The following NKAIN2 variants were observed in gnomAD, a reference collection of about 807,000 sequenced individuals.
The protein encoded by NKAIN2 is sodium/potassium-transporting ATPase subunit beta-1-interacting protein 2.
A neutral mutation model predicts 32.6 loss-of-function variants in NKAIN2; 14 were observed. The ratio of observed to expected loss-of-function variants is 0.43; its 90% CI spans 0.28 to 0.67. The LOEUF (loss-of-function observed/expected upper bound fraction) is 0.67. NKAIN2 is among the 30% of genes least tolerant of loss of function. The pLI is 0.17. For missense variants in NKAIN2, 198 were observed against 258.3 expected, an observed-to-expected ratio of 0.77 and a Z score of 1.60; for synonymous variants, 80 against 87.2, an observed-to-expected ratio of 0.92 and a Z score of 0.46.
At chr6:123,976,348 C>CATATATATATATATATGTTCCCATAT (rs1778602338) in intron 1 of NKAIN2, among the ~76,000 whole-genome samples, 1 of 13,734 alleles carries the variant, frequency 7.3e-5, no homozygotes, top group Admixed American at 8.9e-4. Context: ...TATATGTTCC[C>CATATATATATATATATGTTCCCATAT]ATATATATAT....
chr6:124,563,253 C>T (rs1042357967), intron 3 of NKAIN2, among the ~76,000 whole-genome samples: 4 of 152,102 alleles, frequency 2.6e-5, no homozygotes, highest in Middle Eastern at 3.2e-3. Context: ...GACTTCTGAA[C>T]TCAACTCTGT....
intron 1 of NKAIN2, among the ~76,000 whole-genome samples, chr6:124,100,610 T>C (rs547053613): frequency 3.1e-4 from 47 of 152,340 alleles, no homozygotes; most frequent in African/African-American, 8.4e-4. Context: ...AGAGGTTTTC[T>C]ATCATACATT....
chr6:124,347,426 G>A (rs1017842946), intron 2 of NKAIN2, among the ~76,000 whole-genome samples: 2 of 152,156 alleles, frequency 1.3e-5, no homozygotes, highest in African/African-American at 4.8e-5. Flanking sequence ...ATCCTGCAGA[G>A]TGTTTTCCAA....
At chr6:124,008,440 T>C (rs1226208209) in intron 1 of NKAIN2, among the ~76,000 whole-genome samples, 1 of 152,054 alleles carries the variant, frequency 6.6e-6, no homozygotes, top group African/African-American at 2.4e-5. Context: ...GTTCCATAAG[T>C]ATGTGCAAGT....
intron 2 of NKAIN2, among the ~76,000 whole-genome samples, chr6:124,335,378 A>T (rs914276431): frequency 3.3e-5 from 5 of 152,316 alleles, no homozygotes; most frequent in Admixed American, 3.3e-4. Flanking sequence ...AACCAAACAC[A>T]ATGAACAGAT....
intron 4 of NKAIN2, among the ~76,000 whole-genome samples, chr6:124,710,431 G>T (rs1422940364): frequency 6.6e-6 from 1 of 150,560 alleles, no homozygotes; most frequent in Non-Finnish European, 1.5e-5. Flanking sequence ...ACAGTGGGGT[G>T]TTAAAGTCTC....
chr6:124,216,468 A>G (rs959032366), intron 1 of NKAIN2, among the ~76,000 whole-genome samples: 2 of 152,218 alleles, frequency 1.3e-5, no homozygotes, highest in Non-Finnish European at 2.9e-5. Context: ...CTCAACACGC[A>G]TATGCCCAAC....
chr6:124,297,424 T>C (rs970457388), intron 2 of NKAIN2, among the ~76,000 whole-genome samples: 5 of 152,162 alleles, frequency 3.3e-5, no homozygotes, highest in African/African-American at 1.2e-4. Flanking sequence ...AAGATCTTTA[T>C]GTTCATCATC....
At chr6:124,097,146 A>C (rs1472476195) in intron 1 of NKAIN2, among the ~76,000 whole-genome samples, 1 of 152,110 alleles carries the variant, frequency 6.6e-6, no homozygotes, top group Non-Finnish European at 1.5e-5. Context: ...TTGGTGGCTC[A>C]CACCTGTAAT....
intron 3 of NKAIN2, among the ~76,000 whole-genome samples, chr6:124,433,300 G>A (rs1227921666): frequency 6.6e-6 from 1 of 152,154 alleles, no homozygotes; most frequent in Non-Finnish European, 1.5e-5. Flanking sequence ...CTAGAGAAAA[G>A]AAAGCTAATG....
intron 3 of NKAIN2, among the ~76,000 whole-genome samples, chr6:124,478,140 G>T (rs988023931): frequency 2.6e-5 from 4 of 152,068 alleles, no homozygotes; most frequent in African/African-American, 9.7e-5. Context: ...CTTCAAGAAT[G>T]CATGAAGAAC....
rs937892314 is a variant in NKAIN2, at chr6:124,724,932, C to G, written c.475-66407C>G. 5.3e-5 allele frequency among the ~76,000 whole-genome samples: 8 copies of G among 152,248 alleles called. No individual in the cohort carries two copies. The East Asian group carries it at 1.2e-3, about 22-fold the overall frequency. On this transcript the variant is annotated intron_variant, in intron 4 of 6. Coordinates refer to ENST00000368417, the MANE Select transcript of NKAIN2 (RefSeq NM_001040214.3). ...TCTTCTAGTTCCAAGTTGAGTTGAT[C>G]CCTTTTAATCACTATTTTATCCTCT...
At chr6:124,182,109 TCTTACTTG>T (rs1337207990) in intron 1 of NKAIN2, among the ~76,000 whole-genome samples, 1 of 152,172 alleles carries the variant, frequency 6.6e-6, no homozygotes, top group Non-Finnish European at 1.5e-5. Context: ...CAAAGGCATG[TCTTACTTG>T]GCAGCAGGCA....
intron 1 of NKAIN2, among the ~76,000 whole-genome samples, chr6:124,028,925 GTATA>G (rs201017247): frequency 2.5e-5 from 2 of 81,394 alleles, no homozygotes; most frequent in Admixed American, 1.1e-4. Flanking sequence ...ATATATATGT[GTATA>G]TATATATATA....
At chr6:124,766,337 G>A (rs915721592) in intron 4 of NKAIN2, among the ~76,000 whole-genome samples, 12 of 152,258 alleles carry the variant, frequency 7.9e-5, no homozygotes, top group African/African-American at 2.2e-4. Flanking sequence ...AGGACCTACG[G>A]TTGCCCTGTA....
At chr6:124,704,705 C>G (rs1237385417) in intron 4 of NKAIN2, among the ~76,000 whole-genome samples, 1 of 151,668 alleles carries the variant, frequency 6.6e-6, no homozygotes, top group Non-Finnish European at 1.5e-5. Flanking sequence ...TTGCATTATC[C>G]TAACACCAAT....
chr6:124,704,849 T>C (rs1774974157), intron 4 of NKAIN2, among the ~76,000 whole-genome samples: 4 of 151,902 alleles, frequency 2.6e-5, no homozygotes. Context: ...CAGCAGGAAA[T>C]GGAAACAACA....
intron 3 of NKAIN2, among the ~76,000 whole-genome samples, chr6:124,376,325 A>G (rs984973920): frequency 6.6e-6 from 1 of 152,180 alleles, no homozygotes; most frequent in Non-Finnish European, 1.5e-5. Context: ...ACTGAAATCA[A>G]CAATTTTTAT....
At chr6:124,683,616 T>A (rs1773723950) in intron 4 of NKAIN2, among the ~76,000 whole-genome samples, 2 of 152,164 alleles carry the variant, frequency 1.3e-5, no homozygotes, top group South Asian at 4.2e-4. Flanking sequence ...GCCTCCAGGG[T>A]GCGTGCTTGA....
Sources: allele counts gnomAD v4.1 joint callset (sites outside exome capture counted in the v4.1 genomes callset), GRCh38; gene constraint gnomAD v4.1.1; transcripts MANE v1.5; gene names NCBI Gene and HGNC (gene_info 2026-07-23, HGNC 2026-07-21).